The following COG6 variants were observed in gnomAD, a reference collection of about 807,000 sequenced individuals.
COG6 encodes component of oligomeric golgi complex 6, also known as conserved oligomeric Golgi complex subunit 6.
COG6 carries 74 observed loss-of-function variants against 88.8 expected under a neutral mutation model. The observed-to-expected ratio is 0.83, with a 90% CI of 0.69 to 1.01. The LOEUF is 1.01. Among genes scored for constraint, COG6 ranks in the 50% least tolerant of loss-of-function variants. The probability of loss-of-function intolerance (pLI) is 0.00; values close to 1 mark genes in which losing one functional copy is unlikely to be tolerated. For synonymous variants in COG6, 286 were observed against 278.7 expected (o/e 1.03, Z -0.26); for missense variants, 800 against 797.9 (o/e 1.00, Z -0.03).
chr13:39,694,322 A>G (rs1413111114), intron 11 of COG6, among the ~76,000 whole-genome samples: 1 of 151,804 alleles, frequency 6.6e-6, no homozygotes, highest in Non-Finnish European at 1.5e-5. Flanking sequence ...TCAATTTCAT[A>G]TTGAACCAAA....
intron 13 of COG6, among the ~76,000 whole-genome samples, chr13:39,702,503 T>A (rs1173991491): frequency 6.6e-6 from 1 of 152,038 alleles, no homozygotes; most frequent in Non-Finnish European, 1.5e-5. Flanking sequence ...AATTTTATAT[T>A]CTCATATTTG....
chr13:39,716,192 A>T (rs1344747640), intron 13 of COG6, among the ~76,000 whole-genome samples: 1 of 151,906 alleles, frequency 6.6e-6, no homozygotes, highest in Non-Finnish European at 1.5e-5. Flanking sequence ...ATATATGTTT[A>T]TAATTATTTT....
intron 14 of COG6, 30 bp downstream of exon 14, chr13:39,719,397 T>C: frequency 6.2e-7 from 1 of 1,602,290 alleles, no homozygotes; most frequent in South Asian, 1.1e-5. Context: ...TTAATGATTG[T>C]TTTTTGCTCT....
chr13:39,679,739 T>G (rs973941788), intron 6 of COG6, 119 bp downstream of exon 6: 25 of 760,858 alleles, frequency 3.3e-5, no homozygotes, highest in South Asian at 2.8e-4. Flanking sequence ...AATCTTTATT[T>G]ATCTTTAGAG....
intron 18 of COG6, among the ~76,000 whole-genome samples, chr13:39,740,702 C>G (rs1009615196): frequency 2.6e-5 from 4 of 152,072 alleles, no homozygotes; most frequent in African/African-American, 9.7e-5. Flanking sequence ...AAAAAATATG[C>G]TTTAATTTCA....
At chr13:39,684,243 ATTTTTTT>A (rs1203671335) in intron 8 of COG6, among the ~76,000 whole-genome samples, 23 of 67,388 alleles carry the variant, frequency 3.4e-4, no homozygotes, top group Admixed American at 1.7e-3. Flanking sequence ...AATTTGGAAG[ATTTTTTT>A]TTTTTTTTTT....
At chr13:39,661,858 C>T (rs575440307) in intron 3 of COG6, among the ~76,000 whole-genome samples, 53 of 151,400 alleles carry the variant, frequency 3.5e-4, no homozygotes, top group Non-Finnish European at 5.6e-4. Context: ...GCTTCCATGA[C>T]GTAATGCCTT....
upstream of COG6, chr13:39,655,632 G>T: frequency 7.1e-7 from 1 of 1,415,934 alleles, no homozygotes; most frequent in Non-Finnish European, 9.7e-7. Context: ...GGGCCGATGC[G>T]CATGCGCGGC....
intron 13 of COG6, among the ~76,000 whole-genome samples, chr13:39,705,477 G>C (rs1325872261): frequency 6.6e-6 from 1 of 151,988 alleles, no homozygotes; most frequent in East Asian, 1.9e-4. Context: ...AAGAGAATAT[G>C]CATCTATACT....
chr13:39,751,266 A>G lies in COG6; in HGVS notation c.*173A>G. ...GGTCTCAGTAACAGGGAAGTAAGTA[A>G]CATGTTGACCTGAGCTAGTATTGCT... On this transcript the variant is annotated 3_prime_UTR_variant, in exon 19 of 19. Transcript: ENST00000455146. The G allele has an allele frequency of 6.6e-7, 1 of 1,514,916 alleles. No homozygotes were observed. The highest frequency in any genetic ancestry group is 8.8e-7 in the Non-Finnish European group (1 of 1,135,938). The allele number at this position is 1,514,916 out of a possible 1,614,324, so 93.8% of individuals were successfully genotyped here. A position where few individuals can be genotyped will look rare whatever the true frequency, so the allele number is the denominator to read the frequency against.
chr13:39,662,566 T>C (rs940830246), intron 3 of COG6, among the ~76,000 whole-genome samples: 3 of 152,238 alleles, frequency 2.0e-5, no homozygotes, highest in Non-Finnish European at 4.4e-5. Flanking sequence ...CCATTCAAAG[T>C]GTTCAAATTG....
chr13:39,664,838 A>G (rs1875144051), intron 3 of COG6, among the ~76,000 whole-genome samples: 1 of 152,146 alleles, frequency 6.6e-6, no homozygotes, highest in African/African-American at 2.4e-5. Context: ...AGCATCATGA[A>G]CTATTAAGTT....
chr13:39,712,091 C>T (rs1033645935), intron 13 of COG6, among the ~76,000 whole-genome samples: 7 of 152,326 alleles, frequency 4.6e-5, no homozygotes, highest in Admixed American at 2.6e-4. Context: ...AACTCCTGAC[C>T]TCAGGCGATC....
intron 18 of COG6, among the ~76,000 whole-genome samples, chr13:39,777,607 G>A (rs1881503470): frequency 6.6e-6 from 1 of 152,200 alleles, no homozygotes; most frequent in Non-Finnish European, 1.5e-5. Flanking sequence ...CACAGGAGGG[G>A]CAGCAGAGAG....
At position 39,775,377 on chromosome 13, in the gene COG6, A is replaced by C. The variant is rs1386357191; in HGVS notation, c.1827-12958A>C. On this transcript the variant is annotated intron_variant, in intron 18 of 18. Coordinates refer to the COG6 transcript ENST00000416691. ...TCATTATAGTTATGTTTCTAGGATT[A>C]GATTTGAGAAAAAGAAAAAGTATAC... Among the ~76,000 whole-genome samples, 8 of 152,342 alleles carry C rather than the reference A, an allele frequency of 5.3e-5. No individual in the cohort carries two copies. In the East Asian group the frequency reaches 1.5e-3, roughly 29 times the overall value.
intron 13 of COG6, among the ~76,000 whole-genome samples, chr13:39,710,136 A>G (rs1011757817): frequency 2.6e-5 from 4 of 152,154 alleles, no homozygotes; most frequent in African/African-American, 7.2e-5. Flanking sequence ...TGAATATCAT[A>G]TATCTCTCCA....
chr13:39,781,706 G>A (rs778290660), intron 18 of COG6, among the ~76,000 whole-genome samples: 1 of 152,212 alleles, frequency 6.6e-6, no homozygotes, highest in East Asian at 1.9e-4. Context: ...CCCACAATAT[G>A]TATGCACTAG....
intron 3 of COG6, 121 bp from the exon 4 acceptor site, chr13:39,664,975 T>C: frequency 1.5e-6 from 1 of 654,014 alleles, no homozygotes; most frequent in South Asian, 1.8e-5. Flanking sequence ...TTATTGTGCT[T>C]TTGAGTTCCA....
At chr13:39,729,667 C>T (rs762527891) in intron 18 of COG6, among the ~76,000 whole-genome samples, 12 of 152,144 alleles carry the variant, frequency 7.9e-5, no homozygotes, top group Middle Eastern at 6.8e-3. Context: ...ACTGAAACAA[C>T]GAGAACTTCT....
Sources: allele counts gnomAD v4.1 joint callset (sites outside exome capture counted in the v4.1 genomes callset), GRCh38; gene constraint gnomAD v4.1.1; transcripts MANE v1.5; gene names NCBI Gene and HGNC (gene_info 2026-07-23, HGNC 2026-07-21).